Variants in CFAP299 observed in about 807,000 individuals in gnomAD.
The protein encoded by CFAP299 is cilia and flagella associated protein 299, also known as cilia- and flagella-associated protein 299.
A neutral mutation model predicts 27.0 loss-of-function variants in CFAP299; 21 were observed. That is an observed-to-expected ratio of 0.78 (90% CI 0.55 to 1.12). CFAP299 has a LOEUF of 1.12. CFAP299 is among the 50% of genes most tolerant of loss of function. The pLI is 0.00. For synonymous variants in CFAP299, 104 were observed against 98.1 expected (o/e 1.06, Z -0.36); for missense variants, 310 against 276.6 (o/e 1.12, Z -0.86).
At chr4:80,508,735 T>G (rs768573338) in intron 2 of CFAP299, among the ~76,000 whole-genome samples, 2 of 152,106 alleles carry the variant, frequency 1.3e-5, no homozygotes, top group Non-Finnish European at 1.5e-5. Flanking sequence ...TTTTAAAATT[T>G]CTTGCAGAGA....
chr4:80,410,355 G>A (rs1726660186), intron 2 of CFAP299, among the ~76,000 whole-genome samples: 1 of 152,132 alleles, frequency 6.6e-6, no homozygotes, highest in Admixed American at 6.6e-5. Flanking sequence ...TCCCACCTCA[G>A]TGCAGGGAAA....
chr4:80,542,924 T>C (rs1196069061), intron 2 of CFAP299, among the ~76,000 whole-genome samples: 2 of 152,026 alleles, frequency 1.3e-5, no homozygotes, highest in Non-Finnish European at 2.9e-5. Flanking sequence ...CTGGAGCACT[T>C]ACGCCCACAA....
intron 1 of CFAP299, among the ~76,000 whole-genome samples, chr4:80,354,490 A>T (rs1178033694): frequency 2.0e-4 from 30 of 152,164 alleles, no homozygotes; most frequent in Admixed American, 2.0e-3. Flanking sequence ...TAATTACAAC[A>T]TATTTTGATT....
chr4:80,736,482 C>T (rs1273794428), intron 3 of CFAP299, among the ~76,000 whole-genome samples: 1 of 151,926 alleles, frequency 6.6e-6, no homozygotes, highest in African/African-American at 2.4e-5. Context: ...AAAAAACAAC[C>T]CCATCAAAAA....
intron 2 of CFAP299, among the ~76,000 whole-genome samples, chr4:80,390,840 T>C (rs1405697953): frequency 6.9e-6 from 1 of 145,420 alleles, no homozygotes; most frequent in Non-Finnish European, 1.5e-5. Context: ...TATATATGTA[T>C]ATACACATAT....
rs542321640 is a variant in CFAP299, at chr4:80,540,669, T to C, written c.243-42424T>C. Among the ~76,000 whole-genome samples the C allele has an allele frequency of 1.1e-3, 162 of 152,300 alleles. 1 individual carries two copies. The highest frequency in any genetic ancestry group is 3.6e-3 in the African/African-American group (151 of 41,574). On this transcript the variant is annotated intron_variant, in intron 2 of 5. Coordinates refer to ENST00000358105, the MANE Select transcript of CFAP299 (RefSeq NM_152770.3). ...AGGATATCCAGCGTGTTTCTACACA[T>C]GGATAGCAAGTTAAAAAACCTCTCA...
chr4:80,726,223 G>T (rs549276149), intron 3 of CFAP299, among the ~76,000 whole-genome samples: 1 of 152,200 alleles, frequency 6.6e-6, no homozygotes, highest in African/African-American at 2.4e-5. Flanking sequence ...GTGTGTTCAT[G>T]CTGTCATATT....
chr4:80,796,318 C>T (rs1178086004), intron 3 of CFAP299, among the ~76,000 whole-genome samples: 1 of 152,198 alleles, frequency 6.6e-6, no homozygotes, highest in Non-Finnish European at 1.5e-5. Flanking sequence ...TTCCCATCCT[C>T]TGGCATGCAA....
intron 2 of CFAP299, among the ~76,000 whole-genome samples, chr4:80,446,430 TA>T (rs1047512305): frequency 6.6e-6 from 1 of 152,216 alleles, no homozygotes; most frequent in African/African-American, 2.4e-5. Context: ...AATGTTGAAA[TA>T]AGTCTTCCAT....
chr4:80,379,099 T>G (rs1724567637), intron 2 of CFAP299, among the ~76,000 whole-genome samples: 1 of 152,078 alleles, frequency 6.6e-6, no homozygotes, highest in Admixed American at 6.5e-5. Context: ...GGCTTATAAC[T>G]ACAAACTCTA....
intron 2 of CFAP299, among the ~76,000 whole-genome samples, chr4:80,469,545 A>T (rs1315611476): frequency 1.3e-5 from 2 of 152,182 alleles, no homozygotes; most frequent in Non-Finnish European, 2.9e-5. Flanking sequence ...TATAGTATTG[A>T]CAAAAACTAA....
At chr4:80,875,167 T>C (rs926640899) in intron 4 of CFAP299, among the ~76,000 whole-genome samples, 2 of 152,062 alleles carry the variant, frequency 1.3e-5, no homozygotes, top group Non-Finnish European at 2.9e-5. Flanking sequence ...CTCACCCCAA[T>C]CTTTAGAACC....
At chr4:80,690,810 G>T (rs1043167808) in intron 3 of CFAP299, among the ~76,000 whole-genome samples, 22 of 150,988 alleles carry the variant, frequency 1.5e-4, no homozygotes, top group Non-Finnish European at 2.7e-4. Context: ...GACTAATAAA[G>T]AAGAAAAGAG....
chr4:80,499,447 A>G (rs891680337), intron 2 of CFAP299, among the ~76,000 whole-genome samples: 1 of 152,160 alleles, frequency 6.6e-6, no homozygotes, highest in Non-Finnish European at 1.5e-5. Flanking sequence ...TATTTTTTCC[A>G]TGTAATGATT....
At chr4:80,915,038 A>G (rs1735675196) in intron 4 of CFAP299, among the ~76,000 whole-genome samples, 1 of 151,788 alleles carries the variant, frequency 6.6e-6, no homozygotes, top group Non-Finnish European at 1.5e-5. Context: ...TTTTCCTAAT[A>G]TGAGAATATT....
chr4:80,811,318 A>G (rs1182664230), intron 3 of CFAP299, among the ~76,000 whole-genome samples: 2 of 152,160 alleles, frequency 1.3e-5, no homozygotes, highest in African/African-American at 2.4e-5. Flanking sequence ...TAGTGTAGGT[A>G]TCTTTTAAAC....
At chr4:80,521,805 T>G (rs1270866267) in intron 2 of CFAP299, among the ~76,000 whole-genome samples, 1 of 151,616 alleles carries the variant, frequency 6.6e-6, no homozygotes, top group Non-Finnish European at 1.5e-5. Flanking sequence ...TTTTTTTTTG[T>G]AAGTTCAAAT....
chr4:80,555,648 G>A (rs956302748), intron 2 of CFAP299, among the ~76,000 whole-genome samples: 1 of 152,012 alleles, frequency 6.6e-6, no homozygotes, highest in Non-Finnish European at 1.5e-5. Flanking sequence ...TGGTTGATAG[G>A]CTATTTATTA....
intron 4 of CFAP299, among the ~76,000 whole-genome samples, chr4:80,943,707 G>A (rs1737315601): frequency 6.6e-6 from 1 of 152,090 alleles, no homozygotes; most frequent in African/African-American, 2.4e-5. Flanking sequence ...TGACAGTATT[G>A]CATTCATTTC....
Sources: gnomAD v4.1 joint callset for allele counts (sites outside exome capture counted in the v4.1 genomes callset) on GRCh38, gnomAD v4.1.1 for gene constraint, MANE v1.5 for transcripts, NCBI Gene and HGNC (gene_info 2026-07-23, HGNC 2026-07-21) for gene names.